The following TMEM232 variants were observed in gnomAD, a reference collection of about 807,000 sequenced individuals.
TMEM232 encodes the protein transmembrane protein 232.
Under a neutral mutation model 78.8 loss-of-function variants are expected in TMEM232, and 80 were observed. The ratio of observed to expected loss-of-function variants is 1.01; its 90% CI spans 0.85 to 1.22. The LOEUF (loss-of-function observed/expected upper bound fraction) is 1.22, where lower values mean the gene tolerates loss of function less well. TMEM232 is among the 50% of genes most tolerant of loss of function. The pLI is 0.00. For synonymous variants in TMEM232, 297 were observed against 254.3 expected (o/e 1.17, Z -1.60); for missense variants, 881 against 742.2 (o/e 1.19, Z -2.17).
At chr5:110,460,303 GTGTGTGTGTA>G (rs947837561) in intron 12 of TMEM232, among the ~76,000 whole-genome samples, 2 of 152,006 alleles carry the variant, frequency 1.3e-5, no homozygotes, top group African/African-American at 4.8e-5. Flanking sequence ...GTGTGTGTGT[GTGTGTGTGTA>G]TGTGTGTGTA....
At chr5:110,420,975 G>GA (rs1488072191) in intron 13 of TMEM232, among the ~76,000 whole-genome samples, 5 of 117,378 alleles carry the variant, frequency 4.3e-5, no homozygotes, top group Non-Finnish European at 7.7e-5. Flanking sequence ...TATATTTAAA[G>GA]ACAAAAAAAA....
intron 7 of TMEM232, among the ~76,000 whole-genome samples, chr5:110,620,621 CTCTCT>C (rs1783551338): frequency 3.4e-5 from 4 of 117,268 alleles, no homozygotes; most frequent in Non-Finnish European, 7.0e-5. Context: ...CTCTCTCTCT[CTCTCT>C]CTCTCTCTCT....
Position 110,721,428 on chromosome 5 carries a change from C to T in TMEM232, c.-13+5199G>A, listed in dbSNP as rs981877652. ...GATGTGCTTCTGTTTGTCATAATGTCTAGGGTTCTGATAACGGACATTCAG... is the reference window on the plus strand; with the variant it reads ...GATGTGCTTCTGTTTGTCATAATGTTTAGGGTTCTGATAACGGACATTCAG... On this transcript the variant is annotated intron_variant, in intron 1 of 13. Coordinates refer to ENST00000455884, the MANE Select transcript of TMEM232 (RefSeq NM_001039763.4). Among the ~76,000 whole-genome samples, 11 of 151,334 alleles carry T rather than the reference C, an allele frequency of 7.3e-5. No individual in the cohort carries two copies. The Admixed American group carries it at 7.3e-4, about 10-fold the overall frequency.
intron 7 of TMEM232, among the ~76,000 whole-genome samples, chr5:110,619,090 C>G (rs913908147): frequency 2.0e-5 from 3 of 152,096 alleles, no homozygotes; most frequent in East Asian, 1.9e-4. Context: ...TAGAGTGCTT[C>G]CCAACAGTTT....
At chr5:110,450,787 G>A (rs974892579) in intron 12 of TMEM232, among the ~76,000 whole-genome samples, 12 of 152,140 alleles carry the variant, frequency 7.9e-5, no homozygotes, top group African/African-American at 2.7e-4. Flanking sequence ...TCTTTATTGT[G>A]TCTTTCCTGG....
chr5:110,727,438 G>A (rs1019447433), upstream of TMEM232, among the ~76,000 whole-genome samples: 4 of 152,012 alleles, frequency 2.6e-5, no homozygotes, highest in Admixed American at 6.6e-5. Context: ...GGTGAAACCC[G>A]TCTCTACTAA....
At chr5:110,693,735 A>C (rs547604658) in intron 1 of TMEM232, among the ~76,000 whole-genome samples, 13 of 152,188 alleles carry the variant, frequency 8.5e-5, no homozygotes, top group Non-Finnish European at 1.6e-4. Context: ...GAAATGAAGC[A>C]AGAAGGGAAG....
intron 3 of TMEM232, among the ~76,000 whole-genome samples, chr5:110,396,080 A>G (rs908776714): frequency 1.3e-5 from 2 of 152,210 alleles, no homozygotes; most frequent in Non-Finnish European, 1.5e-5. Context: ...CCAGTTCTGC[A>G]TGGCTGGGGA....
intron 1 of TMEM232, among the ~76,000 whole-genome samples, chr5:110,668,022 T>G (rs532630457): frequency 6.2e-4 from 95 of 152,200 alleles, no homozygotes; most frequent in African/African-American, 2.2e-3. Context: ...CAAAATGAAG[T>G]AATGAAATGG....
At chr5:110,467,287 T>C (rs1027217306) in intron 12 of TMEM232, among the ~76,000 whole-genome samples, 10 of 152,214 alleles carry the variant, frequency 6.6e-5, no homozygotes, top group Non-Finnish European at 1.3e-4. Context: ...TTGTCAGTTC[T>C]GCCTGCAGAA....
intron 12 of TMEM232, among the ~76,000 whole-genome samples, chr5:110,506,428 T>A (rs1228352249): frequency 1.3e-5 from 2 of 152,164 alleles, no homozygotes; most frequent in African/African-American, 2.4e-5. Flanking sequence ...TAAATGCAAA[T>A]GGACTGAGAA....
chr5:110,730,092 G>A (rs1798534090), upstream of TMEM232, among the ~76,000 whole-genome samples: 1 of 152,144 alleles, frequency 6.6e-6, no homozygotes, highest in African/African-American at 2.4e-5. Flanking sequence ...CTATTAGTAA[G>A]TTACACAATT....
At chr5:110,530,165 A>C (rs1371207933) in intron 11 of TMEM232, among the ~76,000 whole-genome samples, 1 of 152,228 alleles carries the variant, frequency 6.6e-6, no homozygotes, top group Admixed American at 6.5e-5. Flanking sequence ...TTTAGACAAA[A>C]GTATAGTAGA....
At chr5:110,473,773 T>C (rs1050314841) in intron 12 of TMEM232, among the ~76,000 whole-genome samples, 1 of 147,762 alleles carries the variant, frequency 6.8e-6, no homozygotes, top group African/African-American at 2.5e-5. Flanking sequence ...AAAGAAAATA[T>C]AATATATATA....
At chr5:110,730,514 C>CTTTTGGTA (rs1798574262), upstream of TMEM232, among the ~76,000 whole-genome samples, 1 of 151,920 alleles carries the variant, frequency 6.6e-6, no homozygotes, top group East Asian at 1.9e-4. Context: ...AAGTACATAC[C>CTTTTGGTA]CAAAACTGGG....
intron 12 of TMEM232, among the ~76,000 whole-genome samples, chr5:110,512,830 G>T (rs1040418149): frequency 3.9e-5 from 6 of 152,078 alleles, no homozygotes; most frequent in Non-Finnish European, 5.9e-5. Flanking sequence ...CCAAAGTGCT[G>T]TCATTTTAAT....
At chr5:110,612,433 T>C (rs968482489) in intron 8 of TMEM232, among the ~76,000 whole-genome samples, 4 of 152,092 alleles carry the variant, frequency 2.6e-5, no homozygotes, top group Admixed American at 6.6e-5. Context: ...AAAACCTACA[T>C]TGACATTTCA....
chr5:110,560,378 T>C (rs1775600390), intron 11 of TMEM232, among the ~76,000 whole-genome samples: 1 of 152,152 alleles, frequency 6.6e-6, no homozygotes, highest in South Asian at 2.1e-4. Context: ...ACAAAAATGC[T>C]TATAGAATAA....
chr5:110,613,887 T>G (rs1246794843), intron 8 of TMEM232, among the ~76,000 whole-genome samples: 2 of 152,032 alleles, frequency 1.3e-5, no homozygotes, highest in African/African-American at 2.4e-5. Flanking sequence ...AGGAGAAAAG[T>G]TGATTTTAAA....
Sources: gnomAD v4.1 joint callset for allele counts (sites outside exome capture counted in the v4.1 genomes callset) on GRCh38, gnomAD v4.1.1 for gene constraint, MANE v1.5 for transcripts, NCBI Gene and HGNC (gene_info 2026-07-23, HGNC 2026-07-21) for gene names.